Variants in RPTOR observed in about 807,000 individuals in gnomAD.
RPTOR encodes the protein regulatory associated protein of MTOR complex 1, also known as regulatory-associated protein of mTOR.
Under a neutral mutation model 169.9 loss-of-function variants are expected in RPTOR, and 21 were observed. The ratio of observed to expected loss-of-function variants is 0.12; its 90% CI spans 0.09 to 0.18. RPTOR has a LOEUF of 0.18. RPTOR is among the 10% of genes least tolerant of loss of function. The pLI, the probability that RPTOR is intolerant of heterozygous loss-of-function variation, is 1.00. For missense variants in RPTOR, 1,133 were observed against 1,855.9 expected, an observed-to-expected ratio of 0.61 and a Z score of 7.16; for synonymous variants, 732 against 753.2, an observed-to-expected ratio of 0.97 and a Z score of 0.46.
chr17:80,908,564 A>T (rs969029687), intron 20 of RPTOR, among the ~76,000 whole-genome samples: 1 of 152,214 alleles, frequency 6.6e-6, no homozygotes, highest in African/African-American at 2.4e-5. Flanking sequence ...ACCCTTTCCA[A>T]CGCAGTTTTC....
chr17:80,744,127 C>T (rs1321315899), intron 5 of RPTOR, among the ~76,000 whole-genome samples: 14 of 81,126 alleles, frequency 1.7e-4, no homozygotes, highest in South Asian at 4.1e-4. Context: ...ACTAGCACAG[C>T]CCTGGCTACT....
At chr17:80,684,646 C>G (rs1008948849) in intron 3 of RPTOR, among the ~76,000 whole-genome samples, 10 of 151,944 alleles carry the variant, frequency 6.6e-5, no homozygotes, top group African/African-American at 2.4e-4. Context: ...GGGGTTTCAC[C>G]GTGTTAGCCA....
intron 3 of RPTOR, among the ~76,000 whole-genome samples, chr17:80,652,962 C>G (rs531519049): frequency 1.3e-5 from 2 of 152,284 alleles, no homozygotes; most frequent in South Asian, 4.1e-4. Context: ...AGTGGAATCT[C>G]ATCGTGGTTT....
intron 9 of RPTOR, among the ~76,000 whole-genome samples, chr17:80,837,488 C>T (rs751882448): frequency 6.6e-6 from 1 of 152,230 alleles, no homozygotes; most frequent in African/African-American, 2.4e-5. Flanking sequence ...GCCCTGGTGT[C>T]TCTCCCGCGT....
intron 7 of RPTOR, among the ~76,000 whole-genome samples, chr17:80,800,303 C>T (rs902696201): frequency 1.3e-5 from 2 of 152,164 alleles, no homozygotes; most frequent in African/African-American, 2.4e-5. Flanking sequence ...AACTGCTGCA[C>T]GATATGTCTT....
At chr17:80,940,401 G>C in intron 24 of RPTOR, 95 bp from the exon 25 acceptor site, 1 of 985,314 alleles carries the variant, frequency 1.0e-6, no homozygotes, top group Non-Finnish European at 1.5e-6. Flanking sequence ...CGCAGGTTTT[G>C]CTATCCGAGG....
At chr17:80,799,920 A>G (rs11657137) in intron 7 of RPTOR, among the ~76,000 whole-genome samples, 14,257 of 152,288 alleles carry the variant, frequency 0.094, 937 homozygotes, top group South Asian at 0.12. Context: ...CACCTGCCCC[A>G]TGCCCATGTG....
At chr17:80,826,646 G>T (rs567539218) in intron 9 of RPTOR, among the ~76,000 whole-genome samples, 4 of 152,384 alleles carry the variant, frequency 2.6e-5, no homozygotes, top group South Asian at 4.1e-4. Flanking sequence ...GCACCCTTCT[G>T]CCGGGTGTCA....
At chr17:80,895,495 A>G (rs1391188580) in intron 20 of RPTOR, among the ~76,000 whole-genome samples, 2 of 152,336 alleles carry the variant, frequency 1.3e-5, no homozygotes, top group Middle Eastern at 6.8e-3. Flanking sequence ...GCAGGAACCC[A>G]GCCTTGTTAA....
At chr17:80,886,324 C>T (rs1256366785) in intron 17 of RPTOR, among the ~76,000 whole-genome samples, 1 of 152,232 alleles carries the variant, frequency 6.6e-6, no homozygotes, top group Non-Finnish European at 1.5e-5. Context: ...CATGAGTATG[C>T]TACATTTTCT....
Position 80,609,494 on chromosome 17 carries a change from C to T in RPTOR, c.163-16197C>T, listed in dbSNP as rs1303548966. On this transcript the variant is annotated intron_variant, in intron 1 of 33. Transcript: ENST00000306801. This position sits in a 1 kb window ranked among gnomAD's most constrained non-coding sequence, Gnocchi z 4.8. ...GGCAGGGTGGCTCACACCTGTAATC[C>T]CAGCATTTTGGGAGGCTGAGGTGGG... 6.6e-6 allele frequency among the ~76,000 whole-genome samples: 1 copy of T among 152,114 alleles called. No individual in the cohort carries two copies. The highest frequency in any genetic ancestry group is 1.5e-5 in the Non-Finnish European group (1 of 68,028).
intron 10 of RPTOR, 85 bp from the exon 11 acceptor site, chr17:80,846,388 G>T: frequency 7.3e-7 from 1 of 1,361,408 alleles, no homozygotes. Context: ...TGAAGGCTTG[G>T]ATGCCCGGCA....
chr17:80,875,430 C>T (rs894651010), intron 13 of RPTOR, among the ~76,000 whole-genome samples: 2 of 152,168 alleles, frequency 1.3e-5, no homozygotes, highest in African/African-American at 4.8e-5. Flanking sequence ...ACCTGAGACA[C>T]AGAAGAATCA....
At chr17:80,811,025 A>C (rs949190170) in intron 7 of RPTOR, among the ~76,000 whole-genome samples, 1 of 152,212 alleles carries the variant, frequency 6.6e-6, no homozygotes. Context: ...ATCTGAAAAT[A>C]CATACAGTTT....
intron 3 of RPTOR, among the ~76,000 whole-genome samples, chr17:80,677,779 CA>C (rs1186130866): frequency 2.5e-5 from 2 of 79,566 alleles, no homozygotes; most frequent in African/African-American, 1.7e-4. Context: ...AAATAAACCC[CA>C]AGAAAGATCT....
chr17:80,794,305 G>A (rs2067079162), intron 7 of RPTOR, among the ~76,000 whole-genome samples: 1 of 152,156 alleles, frequency 6.6e-6, no homozygotes, highest in Non-Finnish European at 1.5e-5. Flanking sequence ...TCACCAAAGA[G>A]GATTTAGGGA....
At chr17:80,919,638 A>G (rs531881603) in intron 21 of RPTOR, among the ~76,000 whole-genome samples, 1 of 152,238 alleles carries the variant, frequency 6.6e-6, no homozygotes, top group African/African-American at 2.4e-5. Context: ...CCGCTTCAGC[A>G]GCTGCAACAG....
chr17:80,922,345 G>A (rs778061016), intron 21 of RPTOR, among the ~76,000 whole-genome samples: 3 of 152,190 alleles, frequency 2.0e-5, no homozygotes, highest in Non-Finnish European at 4.4e-5. Context: ...CCTCAGGCAA[G>A]GGGGAGGACA....
chr17:80,893,471 CTGTACGCGCCAGGG>C (rs148783209), intron 19 of RPTOR, among the ~76,000 whole-genome samples: 30,645 of 113,492 alleles, frequency 0.27, 3,117 homozygotes, highest in South Asian at 0.45. Flanking sequence ...CAGGTTGTGT[CTGTACGCGCCAGGG>C]TGTGTGCGCC....
Sources: allele counts gnomAD v4.1 joint callset (sites outside exome capture counted in the v4.1 genomes callset), GRCh38; gene constraint gnomAD v4.1.1; non-coding constraint Gnocchi (gnomAD v3.1); transcripts MANE v1.5; gene names NCBI Gene and HGNC (gene_info 2026-07-23, HGNC 2026-07-21).